Variants in SV2C observed in about 807,000 individuals in gnomAD.
The protein encoded by SV2C is solute carrier family 22 member B3.
Under a neutral mutation model 79.7 loss-of-function variants are expected in SV2C, and 49 were observed. That is an observed-to-expected ratio of 0.61 (90% CI 0.49 to 0.78). SV2C has a LOEUF of 0.78. Ranked by LOEUF, SV2C falls within the 30% of genes least tolerant of loss-of-function variation. The probability of loss-of-function intolerance (pLI) is 0.00; values close to 1 mark genes in which losing one functional copy is unlikely to be tolerated. For synonymous variants in SV2C, 334 were observed against 333.2 expected, an observed-to-expected ratio of 1.00 and a Z score of -0.03; for missense variants, 833 against 912.9, an observed-to-expected ratio of 0.91 and a Z score of 1.13.
intron 1 of SV2C, among the ~76,000 whole-genome samples, chr5:76,128,715 T>C (rs1419987816): frequency 6.6e-6 from 1 of 152,228 alleles, no homozygotes; most frequent in East Asian, 1.9e-4. Context: ...TGACATATAG[T>C]AAGCACCAAA....
At chr5:76,280,279 C>G (rs1747144606) in intron 4 of SV2C, among the ~76,000 whole-genome samples, 1 of 151,960 alleles carries the variant, frequency 6.6e-6, no homozygotes, top group African/African-American at 2.4e-5. Context: ...GTCACACACA[C>G]ATATGCACAC....
In SV2C at chr5:76,161,169, G is replaced by A. The variant is rs189643339; in HGVS notation, c.580+28839G>A. 6.6e-5 allele frequency among the ~76,000 whole-genome samples: 10 copies of A among 152,224 alleles called. No homozygotes were observed. The East Asian group carries it at 1.7e-3, about 26-fold the overall frequency. On this transcript the variant is annotated intron_variant, in intron 2 of 12. Coordinates refer to ENST00000502798, the MANE Select transcript of SV2C (RefSeq NM_014979.4). The stretch of plus-strand genomic sequence containing the variant: ...ACAAATTTTGAATATGTACACAGTG[G>A]GATATTACTTGGCCATAAAAAGGAA...
the SV2C span, chr5:75,920,927 C>G: frequency 2.7e-6 from 2 of 732,850 alleles, no homozygotes; most frequent in Middle Eastern, 8.0e-4. Context: ...CTCGTGGATC[C>G]TGGCAAAGCT....
intron 1 of SV2C, among the ~76,000 whole-genome samples, chr5:76,125,972 G>A (rs557748635): frequency 2.8e-4 from 43 of 152,266 alleles, no homozygotes; most frequent in Middle Eastern, 6.8e-3. Flanking sequence ...TGGGAGGGTC[G>A]CTTGAGCTTG....
intron 2 of SV2C, among the ~76,000 whole-genome samples, chr5:76,147,247 AAGTC>A (rs1246032457): frequency 6.6e-6 from 1 of 152,152 alleles, no homozygotes; most frequent in Non-Finnish European, 1.5e-5. Context: ...CAAAAAGAAA[AAGTC>A]AGAAAGAAGT....
At chr5:75,990,180 T>G in the SV2C span, among the ~76,000 whole-genome samples, 1 of 152,190 alleles carries the variant, frequency 6.6e-6, no homozygotes, top group African/African-American at 2.4e-5. Flanking sequence ...TTTGCTTTTG[T>G]TGCAGTTGCC....
chr5:76,081,714 A>G (rs1746997094), upstream of SV2C, among the ~76,000 whole-genome samples: 1 of 152,224 alleles, frequency 6.6e-6, no homozygotes, highest in Admixed American at 6.5e-5. Context: ...CATGAGAATC[A>G]TAACTTTTAG....
Position 76,253,690 on chromosome 5 carries a change from C to T in SV2C, c.914-31472C>T, listed in dbSNP as rs1410663346. On this transcript the variant is annotated intron_variant, in intron 4 of 12. Transcript: ENST00000502798. Reference sequence around the variant, plus strand: ...TGGGACAGTTCTATTCCCTTCCCCACCACCTCTCCTCCCTAAGGAAAAAAA... The same window carrying T: ...TGGGACAGTTCTATTCCCTTCCCCATCACCTCTCCTCCCTAAGGAAAAAAA... 4.9e-5 allele frequency among the ~76,000 whole-genome samples: 7 copies of T among 143,658 alleles called. No individual in the cohort carries two copies. The East Asian group carries it at 1.2e-3, about 25-fold the overall frequency. The allele number at this position is 143,658 out of a possible 152,430, so 94.2% of individuals were successfully genotyped here.
At chr5:76,112,340 G>A (rs1487043679) in intron 1 of SV2C, among the ~76,000 whole-genome samples, 1 of 152,212 alleles carries the variant, frequency 6.6e-6, no homozygotes, top group Non-Finnish European at 1.5e-5. Context: ...AGGAAGTGCA[G>A]GAGGGAGGCC....
chr5:75,877,609 AAAAT>A, the SV2C span, among the ~76,000 whole-genome samples: 2 of 149,282 alleles, frequency 1.3e-5, no homozygotes, highest in Non-Finnish European at 3.0e-5. Flanking sequence ...AAAAAAAAAA[AAAAT>A]CAAATTGAAA....
chr5:76,181,190 C>T (rs952703964), intron 2 of SV2C, among the ~76,000 whole-genome samples: 2 of 152,196 alleles, frequency 1.3e-5, no homozygotes, highest in Non-Finnish European at 2.9e-5. Flanking sequence ...AGCTCCGATC[C>T]AACCCTCTGC....
chr5:76,226,523 A>G (rs1321211730), intron 4 of SV2C, among the ~76,000 whole-genome samples: 3 of 152,204 alleles, frequency 2.0e-5, no homozygotes, highest in Admixed American at 6.5e-5. Flanking sequence ...ATGTATTCTT[A>G]TAGAGATACA....
the SV2C span, among the ~76,000 whole-genome samples, chr5:75,999,093 C>T: frequency 6.6e-6 from 1 of 152,006 alleles, no homozygotes; most frequent in African/African-American, 2.4e-5. Flanking sequence ...GGGAACTCCT[C>T]TTTTTAAAAG....
chr5:75,985,751 G>A, the SV2C span, among the ~76,000 whole-genome samples: 1 of 151,974 alleles, frequency 6.6e-6, no homozygotes, highest in African/African-American at 2.4e-5. Context: ...TAACAAAGTA[G>A]TCAATGTTAC....
chr5:76,235,398 A>T (rs1250005812), intron 4 of SV2C, among the ~76,000 whole-genome samples: 1 of 152,234 alleles, frequency 6.6e-6, no homozygotes, highest in African/African-American at 2.4e-5. Context: ...AGGGAAAGCC[A>T]GCAAAGCTTT....
chr5:75,879,388 A>G, the SV2C span, among the ~76,000 whole-genome samples: 1 of 152,224 alleles, frequency 6.6e-6, no homozygotes, highest in Non-Finnish European at 1.5e-5. Flanking sequence ...TCCAAGATAC[A>G]ATGGGATACA....
intron 4 of SV2C, among the ~76,000 whole-genome samples, chr5:76,247,137 T>C (rs1391586953): frequency 6.6e-6 from 1 of 152,172 alleles, no homozygotes; most frequent in South Asian, 2.1e-4. Flanking sequence ...AGTTCCCTAA[T>C]TGGTAAGACA....
At chr5:76,307,334 A>C (rs1279420649) in intron 12 of SV2C, among the ~76,000 whole-genome samples, 1 of 152,250 alleles carries the variant, frequency 6.6e-6, no homozygotes, top group Non-Finnish European at 1.5e-5. Flanking sequence ...AGCTCTAAAG[A>C]GAGCAGATAC....
At chr5:76,064,679 G>A in the SV2C span, among the ~76,000 whole-genome samples, 6 of 152,162 alleles carry the variant, frequency 3.9e-5, no homozygotes, top group Admixed American at 2.6e-4. Flanking sequence ...CTTCTTCTCC[G>A]GATCCCTTGT....
Sources: gnomAD v4.1 joint callset for allele counts (sites outside exome capture counted in the v4.1 genomes callset) on GRCh38, gnomAD v4.1.1 for gene constraint, MANE v1.5 for transcripts, NCBI Gene and HGNC (gene_info 2026-07-23, HGNC 2026-07-21) for gene names.